Variants in DLG2 observed in about 807,000 individuals in gnomAD.
DLG2 encodes the protein disks large homolog 2.
A neutral mutation model predicts 132.5 loss-of-function variants in DLG2; 45 were observed. The ratio of observed to expected loss-of-function variants is 0.34; its 90% CI spans 0.27 to 0.44. DLG2 has a LOEUF of 0.44. DLG2 is among the 20% of genes least tolerant of loss of function. The pLI, the probability that DLG2 is intolerant of heterozygous loss-of-function variation, is 1.00. For missense variants in DLG2, 1,045 were observed against 1,196.9 expected (o/e 0.87, Z 1.87); for synonymous variants, 424 against 419.6 (o/e 1.01, Z -0.13).
intron 18 of DLG2, among the ~76,000 whole-genome samples, chr11:83,668,623 A>T (rs965463815): frequency 1.4e-4 from 19 of 137,516 alleles, no homozygotes; most frequent in Admixed American, 9.2e-4. Flanking sequence ...CTATATATAC[A>T]CACACACATG....
chr11:84,619,893 T>A (rs1016972778), intron 6 of DLG2, among the ~76,000 whole-genome samples: 11 of 151,698 alleles, frequency 7.3e-5, no homozygotes, highest in Non-Finnish European at 1.5e-4. Context: ...AATTAACTTA[T>A]AGGTTCAAAG....
chr11:83,849,321 T>C (rs533026792), intron 16 of DLG2, among the ~76,000 whole-genome samples: 5 of 142,108 alleles, frequency 3.5e-5, no homozygotes, highest in Non-Finnish European at 6.0e-5. Flanking sequence ...ATAATATATA[T>C]AATAAATTAA....
At chr11:83,558,626 G>A (rs2096559367) in intron 19 of DLG2, among the ~76,000 whole-genome samples, 1 of 152,120 alleles carries the variant, frequency 6.6e-6, no homozygotes, top group Non-Finnish European at 1.5e-5. Context: ...GCATGTAAGT[G>A]GGAAAGTTAG....
chr11:85,307,367 G>T (rs1044189372), intron 3 of DLG2, among the ~76,000 whole-genome samples: 2 of 152,034 alleles, frequency 1.3e-5, no homozygotes, highest in East Asian at 1.9e-4. Context: ...GACTGTAAGC[G>T]GTGGGAAAAA....
At position 84,566,254 on chromosome 11, in the gene DLG2, T is replaced by C. The variant is rs913203563; in HGVS notation, c.358-31523A>G. Among the ~76,000 whole-genome samples the C allele has an allele frequency of 2.6e-5, 4 of 152,244 alleles. No homozygotes were observed. The East Asian group carries it at 7.7e-4, about 29-fold the overall frequency. ...CTGAGATTACAGGCATGAGACACCGTGTCTGGTCTGAAGTAATTATTTTTA... is the reference window on the plus strand; with the variant it reads ...CTGAGATTACAGGCATGAGACACCGCGTCTGGTCTGAAGTAATTATTTTTA... On this transcript the variant is annotated intron_variant, in intron 6 of 27. Transcript: ENST00000376104.
chr11:84,714,627 C>CTCTTTCTCTTTCTCTTTCTCTT (rs2060960467), intron 6 of DLG2, among the ~76,000 whole-genome samples: 1 of 107,290 alleles, frequency 9.3e-6, no homozygotes, highest in Admixed American at 9.2e-5. Context: ...TTCTCTTTCT[C>CTCTTTCTCTTTCTCTTTCTCTT]TCTCTCTCTC....
At chr11:83,675,866 A>C (rs145272479) in intron 18 of DLG2, among the ~76,000 whole-genome samples, 151 of 151,724 alleles carry the variant, frequency 1.0e-3, no homozygotes, top group African/African-American at 3.5e-3. Flanking sequence ...GCAAACTCCT[A>C]CTCTTCCTGG....
chr11:84,893,421 G>A (rs986222574), intron 6 of DLG2, among the ~76,000 whole-genome samples: 1 of 152,192 alleles, frequency 6.6e-6, no homozygotes, highest in Non-Finnish European at 1.5e-5. Flanking sequence ...ATGTGCTAAA[G>A]TGTCAATAGC....
At chr11:83,895,680 G>A (rs1168899907) in intron 15 of DLG2, among the ~76,000 whole-genome samples, 1 of 152,134 alleles carries the variant, frequency 6.6e-6, no homozygotes, top group Admixed American at 6.5e-5. Flanking sequence ...TACCCAGCCT[G>A]CTGCTATTCA....
At chr11:83,597,930 G>T (rs920319830) in intron 19 of DLG2, among the ~76,000 whole-genome samples, 1 of 152,114 alleles carries the variant, frequency 6.6e-6, no homozygotes, top group African/African-American at 2.4e-5. Context: ...TCTTAAGAAG[G>T]CCAATATTAT....
intron 4 of DLG2, among the ~76,000 whole-genome samples, chr11:85,200,483 C>T (rs1302132315): frequency 2.6e-5 from 4 of 152,184 alleles, no homozygotes; most frequent in Non-Finnish European, 5.9e-5. Flanking sequence ...GAGACTATCA[C>T]TAACCTCCAT....
At chr11:85,484,978 T>C (rs914385081) in intron 3 of DLG2, among the ~76,000 whole-genome samples, 2 of 152,174 alleles carry the variant, frequency 1.3e-5, no homozygotes, top group Non-Finnish European at 2.9e-5. Context: ...ATAGACTGGA[T>C]TAAGAAAATG....
chr11:84,639,996 A>G, intron 6 of DLG2: 1 of 239,690 alleles, frequency 4.2e-6, no homozygotes, highest in Non-Finnish European at 8.0e-6. Flanking sequence ...GGCAAGAATG[A>G]AGACTATTCT....
chr11:83,787,832 A>G (rs2040443920), intron 17 of DLG2, among the ~76,000 whole-genome samples: 1 of 152,212 alleles, frequency 6.6e-6, no homozygotes, highest in Admixed American at 6.5e-5. Context: ...TAATAAGAAG[A>G]AAATGCTAAA....
intron 6 of DLG2, among the ~76,000 whole-genome samples, chr11:84,768,702 C>T (rs933188216): frequency 4.6e-5 from 7 of 151,948 alleles, no homozygotes; most frequent in Non-Finnish European, 7.4e-5. Context: ...AAATTATAAA[C>T]GACTGAAATT....
intron 3 of DLG2, among the ~76,000 whole-genome samples, chr11:85,590,470 ATAC>A (rs2079241551): frequency 6.6e-6 from 1 of 152,202 alleles, no homozygotes; most frequent in African/African-American, 2.4e-5. Flanking sequence ...ATGGATGTTT[ATAC>A]TAAGAAATAA....
At chr11:84,226,008 C>T (rs916205496) in intron 8 of DLG2, among the ~76,000 whole-genome samples, 1 of 151,990 alleles carries the variant, frequency 6.6e-6, no homozygotes, top group Admixed American at 6.6e-5. Flanking sequence ...ACGGAGTTTC[C>T]CCATGTTGGC....
At chr11:83,550,269 A>T (rs576478093) in intron 19 of DLG2, among the ~76,000 whole-genome samples, 10 of 152,172 alleles carry the variant, frequency 6.6e-5, no homozygotes, top group Middle Eastern at 3.2e-3. Flanking sequence ...TTTAGAGTAT[A>T]ATCAGGGAAG....
intron 19 of DLG2, among the ~76,000 whole-genome samples, chr11:83,599,239 G>T (rs1031409598): frequency 6.6e-6 from 1 of 152,100 alleles, no homozygotes; most frequent in Admixed American, 6.5e-5. Context: ...AAATACCTCT[G>T]TGAGCTCACC....
Sources: allele counts gnomAD v4.1 joint callset (sites outside exome capture counted in the v4.1 genomes callset), GRCh38; gene constraint gnomAD v4.1.1; transcripts MANE v1.5; gene names NCBI Gene and HGNC (gene_info 2026-07-23, HGNC 2026-07-21).